The following SUFU variants were observed in gnomAD, a reference collection of about 807,000 sequenced individuals.
SUFU encodes the protein SUFU negative regulator of hedgehog signaling, also known as suppressor of fused homolog.
Under a neutral mutation model 58.9 loss-of-function variants are expected in SUFU, and 7 were observed. The observed-to-expected ratio is 0.12, with a 90% CI of 0.07 to 0.22. SUFU has a LOEUF of 0.22. Ranked by LOEUF, SUFU falls within the 10% of genes least tolerant of loss-of-function variation. SUFU has a pLI of 1.00. For synonymous variants in SUFU, 232 were observed against 254.8 expected (o/e 0.91, Z 0.85); for missense variants, 451 against 641.3 (o/e 0.70, Z 3.20).
intron 2 of SUFU, among the ~76,000 whole-genome samples, chr10:102,519,428 G>A (rs1245934081): frequency 6.6e-6 from 1 of 151,746 alleles, no homozygotes; most frequent in Admixed American, 6.6e-5. Context: ...TCAGGAGGCT[G>A]AGGCAGGAGA....
rs1564697357 is a variant in SUFU, at chr10:102,593,930, GTA to G, written c.684-62_684-61del. On this transcript the variant is annotated intron_variant, in intron 5 of 11. Transcript: ENST00000369902. ...CCTGGGGCAGCAAACAGGGCAGGCT[GTA>G]GGCCCAGCCCATCAGCCCCAGACCC... The G allele has an allele frequency of 3.1e-6, 5 of 1,587,738 alleles. No homozygotes were observed. The African/African-American group carries it at 6.7e-5, about 21-fold the overall frequency.
At position 102,631,781 on chromosome 10, in the gene SUFU, A is replaced by T. The variant is rs999907520; in HGVS notation, c.*1626A>T. ...GGAGCCACTAGGCCTGGCCTCCTCT[A>T]CACATCCCCAGGGCTATCTGGTTAA... On this transcript the variant is annotated 3_prime_UTR_variant, in exon 12 of 12. Transcript: ENST00000369902. 4.3e-6 allele frequency: 1 copy of T among 233,258 alleles called. No homozygotes were observed. Among genetic ancestry groups the T allele is most frequent in the African/African-American group, 2.2e-5 (1 of 45,342 alleles). 14.4% of individuals were successfully genotyped at this position (233,258 alleles called of 1,614,324 possible).
At chr10:102,627,396 C>G (rs2063795775) in intron 11 of SUFU, among the ~76,000 whole-genome samples, 153 bp downstream of exon 11, 1 of 152,228 alleles carries the variant, frequency 6.6e-6, no homozygotes, top group Admixed American at 6.5e-5. Context: ...GGGCTCCTCC[C>G]CAAGGTGCAG....
chr10:102,610,362 C>T (rs1212114028), intron 8 of SUFU, among the ~76,000 whole-genome samples: 1 of 129,686 alleles, frequency 7.7e-6, no homozygotes, highest in Non-Finnish European at 1.5e-5. Context: ...CATTGCACTC[C>T]AGCCTGGGCG....
At position 102,632,305 on chromosome 10, in the gene SUFU, G is replaced by C. The variant is rs561461171; in HGVS notation, c.*2150G>C. 4.3e-6 allele frequency: 1 copy of C among 233,242 alleles called. No homozygotes were observed. Among genetic ancestry groups the C allele is most frequent in the African/African-American group, 2.2e-5 (1 of 45,328 alleles). 14.4% of individuals were successfully genotyped at this position (233,242 alleles called of 1,614,324 possible). On this transcript the variant is annotated 3_prime_UTR_variant, in exon 12 of 12. Transcript: ENST00000369902. ...TGGTGGCCCTGTTCTGGGGGAGCAG[G>C]GTAAGGCAGGAGGAAGTGGGTGAGC...
At chr10:102,585,285 A>G (rs1161381706) in intron 3 of SUFU, among the ~76,000 whole-genome samples, 1 of 152,176 alleles carries the variant, frequency 6.6e-6, no homozygotes, top group Admixed American at 6.5e-5. Context: ...ATCTGTTTCC[A>G]TAGATTTGCC....
intron 2 of SUFU, among the ~76,000 whole-genome samples, chr10:102,545,476 C>T (rs1309714203): frequency 1.3e-5 from 2 of 152,004 alleles, no homozygotes; most frequent in Non-Finnish European, 2.9e-5. Context: ...AGTGGAATTG[C>T]TGGATCATAT....
At chr10:102,579,233 C>A (rs527744335) in intron 3 of SUFU, among the ~76,000 whole-genome samples, 1 of 152,312 alleles carries the variant, frequency 6.6e-6, no homozygotes, top group East Asian at 1.9e-4. Context: ...AGGGTCCTCA[C>A]CCTCATTGGG....
Position 102,625,897 on chromosome 10 carries a change from CT to C in SUFU, c.1297-1274del, listed in dbSNP as rs1420090630. On this transcript the variant is annotated intron_variant, in intron 10 of 11. Transcript: ENST00000369902. The surrounding 1 kb of genome is among the most constrained non-coding windows in gnomAD (Gnocchi z 4.7). ...TCCTTGTTATCTCACAGCGTGGAAA[CT>C]TTTGTTCTTGGCAGCTGACAATTCC... Among the ~76,000 whole-genome samples the C allele has an allele frequency of 6.6e-6, 1 of 152,168 alleles. No homozygotes were observed. The highest frequency in any genetic ancestry group is 2.4e-5 in the African/African-American group (1 of 41,434).
Position 102,615,317 on chromosome 10 carries a change from C to T in SUFU, c.1072C>T (p.His358Tyr). The change falls in exon 9 of 12, where the codon CAT becomes TAT. Residue 358 changes from histidine to tyrosine, a missense_variant. By Grantham distance (83) the His-to-Tyr change is moderately conservative. Transcript: ENST00000369902. ...TGACAGCTCCACGGCCATCATTCCC[C>T]ATGAGCTGATTCGCACGCGGCAGCT... is the stretch of plus-strand genomic sequence containing the variant. Reference protein sequence around the residue: ...ESDSSTAIIPHELIRTRQLES... With the variant: ...ESDSSTAIIPYELIRTRQLES... 1 of 1,614,198 alleles carries T rather than the reference C, an allele frequency of 6.2e-7. No individual in the cohort carries two copies. Among genetic ancestry groups the T allele is most frequent in the East Asian group, 2.2e-5 (1 of 44,886 alleles).
intron 3 of SUFU, among the ~76,000 whole-genome samples, chr10:102,578,334 T>C (rs1042460386): frequency 4.0e-5 from 6 of 151,146 alleles, no homozygotes; most frequent in African/African-American, 1.2e-4. Context: ...TTCCAGAACT[T>C]TGGGAGGCCG....
At chr10:102,506,450 C>G (rs974080152) in intron 1 of SUFU, among the ~76,000 whole-genome samples, 2 of 152,092 alleles carry the variant, frequency 1.3e-5, no homozygotes, top group African/African-American at 4.8e-5. Flanking sequence ...ACGATCTTGG[C>G]TTACTGCAAC....
chr10:102,538,274 C>T (rs2062763975), intron 2 of SUFU, among the ~76,000 whole-genome samples: 1 of 152,040 alleles, frequency 6.6e-6, no homozygotes, highest in South Asian at 2.1e-4. Flanking sequence ...TATAATACCG[C>T]TACTTGTAGA....
At position 102,592,764 on chromosome 10, in the gene SUFU, G is replaced by A. The variant is rs536573566; in HGVS notation, c.597+40G>A. The A allele has an allele frequency of 2.5e-5, 40 of 1,611,884 alleles. 1 individual carries two copies. The South Asian group carries it at 3.8e-4, about 15-fold the overall frequency. ...GGACGCTGGCTCAAGCCTTCCTGTG[G>A]GAAGGGTCCTGGGAGGACAAGGAGG... On this transcript the variant is annotated intron_variant, in intron 4 of 11. Coordinates refer to ENST00000369902, the MANE Select transcript of SUFU (RefSeq NM_016169.4).
intron 6 of SUFU, 88 bp downstream of exon 6, chr10:102,594,153 GACCT>G: frequency 7.5e-7 from 1 of 1,341,676 alleles, no homozygotes; most frequent in South Asian, 1.2e-5. Context: ...GAAAACAGAG[GACCT>G]TTATGTGTGA....
chr10:102,520,126 G>A lies in SUFU; in HGVS notation c.317+10823G>A, dbSNP rs567059876. ...ATTGTGGTTTATTTGTTATCATTGG[G>A]GAACCAATATTGATACTTATTACTA... On this transcript the variant is annotated intron_variant, in intron 2 of 11. Transcript: ENST00000369902. Among the ~76,000 whole-genome samples the A allele has an allele frequency of 1.8e-3, 276 of 151,786 alleles. 4 individuals are homozygous for A. The Middle Eastern group carries it at 0.051, about 28-fold the overall frequency.
At chr10:102,565,915 A>G (rs1192654700) in intron 3 of SUFU, among the ~76,000 whole-genome samples, 1 of 152,080 alleles carries the variant, frequency 6.6e-6, no homozygotes, top group East Asian at 1.9e-4. Flanking sequence ...TCATCTCTGG[A>G]CCCCTGTGGA....
chr10:102,513,861 C>G (rs974271583), intron 2 of SUFU, among the ~76,000 whole-genome samples: 9 of 152,118 alleles, frequency 5.9e-5, no homozygotes, highest in Non-Finnish European at 1.2e-4. Flanking sequence ...AAGTTATCCT[C>G]TCCTTTTTTA....
At chr10:102,507,949 A>C (rs1406459751) in intron 1 of SUFU, among the ~76,000 whole-genome samples, 2 of 150,774 alleles carry the variant, frequency 1.3e-5, no homozygotes, top group Non-Finnish European at 2.9e-5. Flanking sequence ...TAGCTACCAA[A>C]ATTTCTTATC....
Sources: allele counts gnomAD v4.1 joint callset (sites outside exome capture counted in the v4.1 genomes callset), GRCh38; gene constraint gnomAD v4.1.1; non-coding constraint Gnocchi (gnomAD v3.1); transcripts MANE v1.5; gene names NCBI Gene and HGNC (gene_info 2026-07-23, HGNC 2026-07-21).